Variants in NKAIN2 observed in about 807,000 individuals in gnomAD.
NKAIN2 encodes the protein sodium/potassium-transporting ATPase subunit beta-1-interacting protein 2.
In NKAIN2, 14 loss-of-function variants were observed where a neutral mutation model predicts 32.6. The observed-to-expected ratio is 0.43, with a 90% CI of 0.28 to 0.67. The LOEUF is 0.67. Ranked by LOEUF, NKAIN2 falls within the 30% of genes least tolerant of loss-of-function variation. The pLI is 0.17. For missense variants in NKAIN2, 198 were observed against 258.3 expected (o/e 0.77, Z 1.60); for synonymous variants, 80 against 87.2 (o/e 0.92, Z 0.46).
At chr6:124,344,263 C>A (rs374157683) in intron 2 of NKAIN2, among the ~76,000 whole-genome samples, 1 of 151,982 alleles carries the variant, frequency 6.6e-6, no homozygotes, top group African/African-American at 2.4e-5. Context: ...AGTCAGGTAG[C>A]GTGATGCCTC....
intron 3 of NKAIN2, among the ~76,000 whole-genome samples, chr6:124,574,289 C>T (rs551415580): frequency 2.1e-5 from 3 of 144,686 alleles, no homozygotes; most frequent in African/African-American, 5.1e-5. Flanking sequence ...TAAAATCCTG[C>T]TAAGGCAAAC....
intron 3 of NKAIN2, among the ~76,000 whole-genome samples, chr6:124,634,489 G>C (rs772752888): frequency 7.2e-5 from 11 of 152,074 alleles, no homozygotes; most frequent in East Asian, 1.9e-4. Context: ...TAATAGACTA[G>C]ATCAAGCAAT....
Position 124,223,149 on chromosome 6 carries a change from G to T in NKAIN2, c.55-59856G>T, listed in dbSNP as rs1169033992. On this transcript the variant is annotated intron_variant, in intron 1 of 6. Transcript: ENST00000368417. ...AATCATTTCGACCCGGGAGGTGGAG[G>T]TTGCAATGAGTGGAGATTGCGCCAC... Among the ~76,000 whole-genome samples the T allele has an allele frequency of 3.4e-5, 5 of 147,046 alleles. No individual in the cohort carries two copies. The East Asian group carries it at 1.0e-3, about 30-fold the overall frequency.
intron 1 of NKAIN2, among the ~76,000 whole-genome samples, chr6:124,178,343 G>C (rs1425445701): frequency 6.6e-6 from 1 of 150,854 alleles, no homozygotes; most frequent in African/African-American, 2.4e-5. Context: ...TGTTGCCCAG[G>C]CTGGAGCGCA....
At chr6:124,340,646 C>G (rs1798076328) in intron 2 of NKAIN2, among the ~76,000 whole-genome samples, 1 of 152,030 alleles carries the variant, frequency 6.6e-6, no homozygotes, top group Non-Finnish European at 1.5e-5. Context: ...ATGTTCTGTT[C>G]CTGTGTTAGT....
chr6:124,021,288 TA>T (rs975974552), intron 1 of NKAIN2, among the ~76,000 whole-genome samples: 15 of 152,194 alleles, frequency 9.9e-5, no homozygotes, highest in Non-Finnish European at 1.8e-4. Flanking sequence ...CAGTATTATA[TA>T]TTTTTTTACA....
intron 2 of NKAIN2, among the ~76,000 whole-genome samples, chr6:124,288,854 G>GACATACATACAT (rs1159131624): frequency 2.5e-4 from 38 of 152,024 alleles, no homozygotes; most frequent in Non-Finnish European, 4.7e-4. Context: ...CACCAATATA[G>GACATACATACAT]ACATACATAC....
chr6:124,073,168 G>A (rs576354856), intron 1 of NKAIN2, among the ~76,000 whole-genome samples: 4 of 152,188 alleles, frequency 2.6e-5, no homozygotes, highest in African/African-American at 4.8e-5. Context: ...TTGGATGGGC[G>A]GAGTTGTAAC....
intron 2 of NKAIN2, among the ~76,000 whole-genome samples, chr6:124,320,616 G>A (rs1375675050): frequency 6.6e-6 from 1 of 152,088 alleles, no homozygotes; most frequent in East Asian, 1.9e-4. Context: ...TTGTTTATCA[G>A]TAAATCTATA....
intron 3 of NKAIN2, among the ~76,000 whole-genome samples, chr6:124,449,403 G>A (rs1353704368): frequency 1.3e-5 from 2 of 152,044 alleles, no homozygotes; most frequent in Middle Eastern, 3.2e-3. Flanking sequence ...CCTTTCAAAT[G>A]TAACCAGCCA....
chr6:124,525,594 A>G (rs1461552036), intron 3 of NKAIN2, among the ~76,000 whole-genome samples: 3 of 152,204 alleles, frequency 2.0e-5, no homozygotes, highest in Admixed American at 6.5e-5. Context: ...TTTTATAAAC[A>G]ATGGATTATG....
chr6:124,120,948 A>C lies in NKAIN2; in HGVS notation c.55-162057A>C, dbSNP rs138468487. On this transcript the variant is annotated intron_variant, in intron 1 of 6. Coordinates refer to ENST00000368417, the MANE Select transcript of NKAIN2 (RefSeq NM_001040214.3). ...AGTTTTTCTAAAGAAACTGATACTC[A>C]TGGTTCTATTAAGGCACAGATTTCT... 1.4e-4 allele frequency among the ~76,000 whole-genome samples: 21 copies of C among 152,270 alleles called. No individual in the cohort carries two copies. In the East Asian group the frequency reaches 3.9e-3, roughly 28 times the overall value.
chr6:124,361,254 G>A (rs1419652047), intron 3 of NKAIN2, among the ~76,000 whole-genome samples: 3 of 151,898 alleles, frequency 2.0e-5, no homozygotes, highest in Non-Finnish European at 2.9e-5. Flanking sequence ...TGGTCTTCTG[G>A]ATTGTCCGTA....
intron 2 of NKAIN2, among the ~76,000 whole-genome samples, chr6:124,299,092 C>T (rs1357203545): frequency 6.6e-6 from 1 of 152,202 alleles, no homozygotes; most frequent in Non-Finnish European, 1.5e-5. Context: ...TGCTCTGTTA[C>T]ATCTGGAAAA....
At chr6:124,490,246 A>G (rs919566078) in intron 3 of NKAIN2, 5 of 303,406 alleles carry the variant, frequency 1.6e-5, no homozygotes, top group East Asian at 8.2e-5. Context: ...AACTAAGCCA[A>G]TTCCCTGTAG....
rs1214705260 is a variant in NKAIN2, at chr6:124,479,765, T to G, written c.273+124418T>G. On this transcript the variant is annotated intron_variant, in intron 3 of 6. Transcript: ENST00000368417. ...ACTTGGGAGCTTATGGAAAAATTGT[T>G]AATACTGTTAGTGTATTTTTTTTCA... Among the ~76,000 whole-genome samples, 9 of 143,604 alleles carry G rather than the reference T, an allele frequency of 6.3e-5. No individual in the cohort carries two copies. In the East Asian group the frequency reaches 8.2e-4, roughly 13 times the overall value. 94.2% of individuals were successfully genotyped at this position (143,604 alleles called of 152,430 possible). A position where few individuals can be genotyped will look rare whatever the true frequency, so the allele number is the denominator to read the frequency against.
chr6:124,578,821 T>C (rs1781423624), intron 3 of NKAIN2, among the ~76,000 whole-genome samples: 1 of 151,882 alleles, frequency 6.6e-6, no homozygotes, highest in Admixed American at 6.6e-5. Flanking sequence ...AGAGGGTGCT[T>C]TTGTCACCCC....
At chr6:124,180,182 C>G (rs1466047081) in intron 1 of NKAIN2, among the ~76,000 whole-genome samples, 6 of 151,854 alleles carry the variant, frequency 4.0e-5, no homozygotes, top group Admixed American at 2.0e-4. Flanking sequence ...ATATAAATAC[C>G]TAATTGTATT....
chr6:123,962,409 T>C (rs372964192), intron 1 of NKAIN2, among the ~76,000 whole-genome samples: 10 of 152,292 alleles, frequency 6.6e-5, no homozygotes, highest in Admixed American at 3.3e-4. Flanking sequence ...CCTTATCTGC[T>C]TGCAGAGCTA....
Sources: gnomAD v4.1 joint callset for allele counts (sites outside exome capture counted in the v4.1 genomes callset) on GRCh38, gnomAD v4.1.1 for gene constraint, MANE v1.5 for transcripts, NCBI Gene and HGNC (gene_info 2026-07-23, HGNC 2026-07-21) for gene names.